PCYT1B: variants seen among roughly 807,000 people sequenced by gnomAD.
PCYT1B encodes the protein choline-phosphate cytidylyltransferase B.
A neutral mutation model predicts 26.4 loss-of-function variants in PCYT1B; 10 were observed. The observed-to-expected ratio is 0.38, with a 90% CI of 0.23 to 0.64. The LOEUF (loss-of-function observed/expected upper bound fraction) is 0.64, where lower values mean the gene tolerates loss of function less well. PCYT1B is among the 30% of genes least tolerant of loss of function. PCYT1B has a pLI of 0.56. For synonymous variants in PCYT1B, 131 were observed against 108.4 expected, an observed-to-expected ratio of 1.21 and a Z score of -1.29; for missense variants, 161 against 292.7, an observed-to-expected ratio of 0.55 and a Z score of 3.28.
chrX:24,611,833 C>T (rs1280572145), intron 2 of PCYT1B, among the ~76,000 whole-genome samples: 3 of 110,188 alleles, frequency 2.7e-5, no homozygotes, highest in African/African-American at 6.6e-5. Flanking sequence ...ATTAGCCTGG[C>T]GTGGTGGCGG....
intron 4 of PCYT1B, among the ~76,000 whole-genome samples, chrX:24,589,679 A>G (rs933734817): frequency 8.9e-6 from 1 of 111,782 alleles, no homozygotes; most frequent in Admixed American, 9.6e-5. Flanking sequence ...TAGATCTTCA[A>G]AACACGTCCA....
At chrX:24,624,845 T>C in intron 1 of PCYT1B, among the ~76,000 whole-genome samples, 1 of 112,446 alleles carries the variant, frequency 8.9e-6, no homozygotes, top group Non-Finnish European at 1.9e-5. Context: ...AGGCCAAGGA[T>C]ACTATACTAT....
intron 1 of PCYT1B, among the ~76,000 whole-genome samples, chrX:24,657,168 C>A (rs987314773): frequency 9.0e-6 from 1 of 111,488 alleles, no homozygotes; most frequent in Non-Finnish European, 1.9e-5. Flanking sequence ...TAATTAATAT[C>A]TAATCATCCG....
At chrX:24,589,593 G>C (rs1353294299) in intron 4 of PCYT1B, among the ~76,000 whole-genome samples, 1 of 111,869 alleles carries the variant, frequency 8.9e-6, no homozygotes, top group African/African-American at 3.2e-5. Context: ...CGGTGGTGAT[G>C]GTGGTGACAA....
intron 1 of PCYT1B, among the ~76,000 whole-genome samples, chrX:24,665,523 G>A (rs1201479834): frequency 9.0e-6 from 1 of 110,750 alleles, no homozygotes; most frequent in African/African-American, 3.3e-5. Context: ...ACTCCTGACT[G>A]CAGGTGATCC....
chrX:24,567,786 T>G (rs772179823), intron 7 of PCYT1B, among the ~76,000 whole-genome samples: 1 of 110,424 alleles, frequency 9.1e-6, no homozygotes, highest in Non-Finnish European at 1.9e-5. Flanking sequence ...CTGTCTCTAC[T>G]AAAAATACAA....
intron 3 of PCYT1B, among the ~76,000 whole-genome samples, chrX:24,604,402 G>A (rs1405029303): frequency 8.9e-6 from 1 of 111,784 alleles, no homozygotes; most frequent in East Asian, 2.8e-4. Context: ...GGATGTCACT[G>A]AATTTTATTA....
chrX:24,628,872 C>T (rs375999349), intron 1 of PCYT1B, among the ~76,000 whole-genome samples: 1 of 111,663 alleles, frequency 9.0e-6, no homozygotes, highest in East Asian at 2.8e-4. Flanking sequence ...TAACAGATGC[C>T]TAGAAACTGA....
chrX:24,578,616 C>T (rs1924099492), intron 6 of PCYT1B, among the ~76,000 whole-genome samples: 1 of 112,000 alleles, frequency 8.9e-6, no homozygotes, highest in Non-Finnish European at 1.9e-5. Context: ...GAAAAATGGC[C>T]ATTAAGGTTT....
chrX:24,665,400 CT>C (rs1277116524), intron 1 of PCYT1B, among the ~76,000 whole-genome samples: 2 of 110,446 alleles, frequency 1.8e-5, no homozygotes, highest in African/African-American at 6.6e-5. Flanking sequence ...AGTTGATTCT[CT>C]TGCCTCAGCC....
At chrX:24,641,460 A>C (rs1452501217) in intron 1 of PCYT1B, among the ~76,000 whole-genome samples, 2 of 112,473 alleles carry the variant, frequency 1.8e-5, no homozygotes, top group Non-Finnish European at 3.8e-5. Flanking sequence ...TGAAGTAAGG[A>C]AAAGTGATGT....
chrX:24,655,319 G>T (rs1926882484), intron 1 of PCYT1B, among the ~76,000 whole-genome samples: 1 of 112,334 alleles, frequency 8.9e-6, no homozygotes, highest in Admixed American at 9.4e-5. Flanking sequence ...CAAGCCTGCT[G>T]AGCTAACTCA....
intron 2 of PCYT1B, among the ~76,000 whole-genome samples, chrX:24,611,339 T>G (rs1300021272): frequency 1.8e-5 from 2 of 111,762 alleles, no homozygotes; most frequent in Non-Finnish European, 3.8e-5. Context: ...AATCTTTTGT[T>G]TGAGATTTTT....
rs1555966028 is a variant in PCYT1B at position 24,656,232 on chromosome X, G to GGA, written c.63+16337_63+16338insTC. On this transcript the variant is annotated intron_variant, in intron 1 of 7. Coordinates refer to the PCYT1B transcript ENST00000379145. Reference sequence around the variant, plus strand: ...AATCTATTATTGCAGGGGGTCGCGGGGGGGGGTGGTAATCAAGAAGACAGA... The same window carrying GGA: ...AATCTATTATTGCAGGGGGTCGCGGGGAGGGGGGTGGTAATCAAGAAGACAGA... Among the ~76,000 whole-genome samples, 3 of 100,570 alleles carry GGA rather than the reference G, an allele frequency of 3.0e-5. 1 individual carries two copies. Among genetic ancestry groups the GGA allele is most frequent in the Non-Finnish European group, 6.1e-5 (3 of 49,564 alleles). 87.3% of individuals were successfully genotyped at this position (100,570 alleles called of 115,157 possible).
intron 1 of PCYT1B, among the ~76,000 whole-genome samples, chrX:24,661,193 A>C (rs914423245): frequency 8.9e-6 from 1 of 112,197 alleles, no homozygotes; most frequent in East Asian, 2.8e-4. Flanking sequence ...TCATAATACT[A>C]TCAAAAGTAA....
chrX:24,672,368 G>A (rs887165843), intron 1 of PCYT1B, among the ~76,000 whole-genome samples: 11 of 111,152 alleles, frequency 9.9e-5, no homozygotes, highest in Non-Finnish European at 1.7e-4. Context: ...ACTCTGCAAG[G>A]GGATAAAGAA....
intron 1 of PCYT1B, among the ~76,000 whole-genome samples, chrX:24,628,796 T>C (rs1391871139): frequency 8.9e-6 from 1 of 112,300 alleles, no homozygotes; most frequent in Admixed American, 9.5e-5. Context: ...GAATATTAAA[T>C]TATTTATACT....
At chrX:24,612,923 G>A (rs1430903138) in intron 2 of PCYT1B, among the ~76,000 whole-genome samples, 1 of 112,121 alleles carries the variant, frequency 8.9e-6, no homozygotes, top group Non-Finnish European at 1.9e-5. Context: ...TTGGATTGTG[G>A]CTATTTTAAG....
intron 3 of PCYT1B, 74 bp from the exon 4 acceptor site, chrX:24,590,248 G>C (rs7066434): frequency 0.017 from 15,509 of 927,911 alleles, 119 homozygotes; most frequent in African/African-American, 0.033. Flanking sequence ...TTCAGACAAG[G>C]CTTCTTCAGC....
Sources: allele counts gnomAD v4.1 joint callset (sites outside exome capture counted in the v4.1 genomes callset), GRCh38; gene constraint gnomAD v4.1.1; transcripts MANE v1.5; gene names NCBI Gene and HGNC (gene_info 2026-07-23, HGNC 2026-07-21).